Variants in CDC14A observed in about 807,000 individuals in gnomAD.
CDC14A encodes the protein cell division cycle 14A, also known as dual specificity protein phosphatase CDC14A.
Under a neutral mutation model 74.4 loss-of-function variants are expected in CDC14A, and 53 were observed. The ratio of observed to expected loss-of-function variants is 0.71; its 90% CI spans 0.57 to 0.89. The LOEUF is 0.89. CDC14A is among the 40% of genes least tolerant of loss of function. CDC14A has a pLI of 0.00. For synonymous variants in CDC14A, 247 were observed against 258.4 expected (o/e 0.96, Z 0.43); for missense variants, 646 against 713.7 (o/e 0.91, Z 1.08).
intron 4 of CDC14A, among the ~76,000 whole-genome samples, chr1:100,401,368 T>C (rs1160502660): frequency 1.3e-5 from 2 of 152,204 alleles, no homozygotes; most frequent in African/African-American, 4.8e-5. Flanking sequence ...TAAGTCTTGG[T>C]TGACTTCCAC....
In CDC14A at chr1:100,467,847, A is replaced by C. The variant is rs752016605; in HGVS notation, c.839-109A>C. On this transcript the variant is annotated intron_variant, in intron 9 of 15. Coordinates refer to ENST00000336454, the MANE Select transcript of CDC14A (RefSeq NM_003672.4). ...GTTATGTTTATTAGCTGTTGATAAT[A>C]TCATCACACTTGAATGCAGAGCAGT... 3.8e-5 allele frequency: 41 copies of C among 1,066,018 alleles called. No individual in the cohort carries two copies. The Middle Eastern group carries it at 5.6e-3, about 145-fold the overall frequency. The allele number at this position is 1,066,018 out of a possible 1,614,324, so 66.0% of individuals were successfully genotyped here.
rs1212476329 is a variant in CDC14A, at chr1:100,499,123, G to C, written c.1616G>C (p.Ser539Thr). The C allele has an allele frequency of 1.9e-6, 3 of 1,614,156 alleles. No homozygotes were observed. In the Admixed American group the frequency reaches 5.0e-5, roughly 27 times the overall value. The change falls in exon 15 of 16, where the codon AGC (serine) becomes ACC (threonine). Residue 539 changes from serine to threonine, a missense_variant. Physicochemically the swap from Ser to Thr is moderately conservative, Grantham distance 58. Coordinates refer to ENST00000336454, the MANE Select transcript of CDC14A (RefSeq NM_003672.4). ...PELNNNQYNR[S>T]SNSNGGNLNS... ...CTCAACAATAATCAGTACAACAGAA[G>C]CAGCAACAGCAACGGGGGCAACCTG...
intron 15 of CDC14A, among the ~76,000 whole-genome samples, chr1:100,509,400 A>T (rs1458570866): frequency 6.6e-6 from 1 of 152,184 alleles, no homozygotes; most frequent in African/African-American, 2.4e-5. Flanking sequence ...TGAGGTTAGA[A>T]AATGTCTTTT....
At position 100,468,051 on chromosome 1, in the gene CDC14A, C is replaced by A; in HGVS notation, c.934C>A (p.Arg312=). ...AEIIAWIRIC[R]PGSIIGPQQH... ...AATAATTGCTTGGATTAGAATATGC[C>A]GGCCAGGCTCTATTATAGGACCCCA... The change falls in exon 10 of 16, where the codon CGG becomes AGG. Residue 312 remains arginine, a synonymous_variant. Coordinates refer to ENST00000336454, the MANE Select transcript of CDC14A (RefSeq NM_003672.4). The A allele has an allele frequency of 6.2e-7, 1 of 1,613,084 alleles. No individual in the cohort carries two copies. The highest frequency in any genetic ancestry group is 8.5e-7 in the Non-Finnish European group (1 of 1,179,654).
At chr1:100,452,711 G>T (rs1275601866) in intron 7 of CDC14A, among the ~76,000 whole-genome samples, 1 of 152,124 alleles carries the variant, frequency 6.6e-6, no homozygotes, top group East Asian at 1.9e-4. Context: ...TTACAGTGAA[G>T]AACATCTATA....
At chr1:100,507,149 A>G (rs992111567) in intron 15 of CDC14A, among the ~76,000 whole-genome samples, 2 of 152,208 alleles carry the variant, frequency 1.3e-5, no homozygotes, top group African/African-American at 4.8e-5. Flanking sequence ...ATTGTCCTCC[A>G]CTAGATTAAA....
intron 10 of CDC14A, among the ~76,000 whole-genome samples, chr1:100,481,835 T>G (rs1669507192): frequency 6.6e-6 from 1 of 152,250 alleles, no homozygotes. Flanking sequence ...TTCATAAGAT[T>G]TGATTTTTAA....
In CDC14A at chr1:100,352,691, A is replaced by T. The variant is rs1651230758; in HGVS notation, c.-264A>T. On this transcript the variant is annotated 5_prime_UTR_variant, in exon 1 of 16. Coordinates refer to ENST00000336454, the MANE Select transcript of CDC14A (RefSeq NM_003672.4). ...GCGGCGGCGGAGCAGCAGCTGCAGC[A>T]GCCGAGTCCAAATAGGAGCGGCCAC... 1 of 1,329,230 alleles carries T rather than the reference A, an allele frequency of 7.5e-7. No homozygotes were observed. The highest frequency in any genetic ancestry group is 1.8e-5 in the South Asian group (1 of 57,042). The allele number at this position is 1,329,230 out of a possible 1,614,324, so 82.3% of individuals were successfully genotyped here.
At chr1:100,496,175 C>A in intron 13 of CDC14A, 126 bp downstream of exon 13, 1 of 731,014 alleles carries the variant, frequency 1.4e-6, no homozygotes, top group East Asian at 2.6e-5. Context: ...TGCTTCCTTT[C>A]TCTTCCATAT....
intron 10 of CDC14A, among the ~76,000 whole-genome samples, chr1:100,482,614 A>T (rs1669594657): frequency 6.6e-6 from 1 of 152,070 alleles, no homozygotes; most frequent in Non-Finnish European, 1.5e-5. Context: ...CTCATCCTAA[A>T]CTAGAAATCC....
intron 5 of CDC14A, among the ~76,000 whole-genome samples, chr1:100,425,809 A>AT (rs1557747271): frequency 6.6e-6 from 1 of 152,082 alleles, no homozygotes; most frequent in East Asian, 1.9e-4. Flanking sequence ...ATATAATCCT[A>AT]TTTTTTCAGA....
chr1:100,351,752 A>G, upstream of CDC14A: 2 of 1,550,570 alleles, frequency 1.3e-6, no homozygotes, highest in Non-Finnish European at 1.7e-6. Flanking sequence ...GGCGTGGAGA[A>G]CCAGATGGGA....
intron 6 of CDC14A, among the ~76,000 whole-genome samples, chr1:100,440,910 T>C (rs17122500): frequency 0.14 from 21,586 of 152,164 alleles, 4,544 homozygotes; most frequent in African/African-American, 0.46. Flanking sequence ...TTTTTCTTTC[T>C]ACTTAAACAA....
intron 6 of CDC14A, among the ~76,000 whole-genome samples, chr1:100,440,220 T>G (rs1297855818): frequency 2.0e-5 from 3 of 152,186 alleles, no homozygotes; most frequent in Admixed American, 6.5e-5. Flanking sequence ...AAACTATTTG[T>G]GTTCCAGGGC....
intron 3 of CDC14A, among the ~76,000 whole-genome samples, chr1:100,382,140 TGAAAA>T (rs1656199293): frequency 6.6e-6 from 1 of 151,636 alleles, no homozygotes; most frequent in Non-Finnish European, 1.5e-5. Flanking sequence ...TAAAGTCTTC[TGAAAA>T]AGAAGACTTT....
At chr1:100,491,554 A>C (rs373443875) in intron 11 of CDC14A, among the ~76,000 whole-genome samples, 767 of 39,878 alleles carry the variant, frequency 0.019, 13 homozygotes, top group East Asian at 0.06. Flanking sequence ...CTCTCTATAT[A>C]TATATATATA....
chr1:100,487,365 G>A (rs1274040739), intron 11 of CDC14A, among the ~76,000 whole-genome samples: 2 of 151,898 alleles, frequency 1.3e-5, no homozygotes, highest in Non-Finnish European at 2.9e-5. Flanking sequence ...TTGAGACCAG[G>A]CTGGCCAGCA....
intron 10 of CDC14A, among the ~76,000 whole-genome samples, chr1:100,479,533 G>A (rs1200113282): frequency 6.6e-6 from 1 of 152,108 alleles, no homozygotes; most frequent in Non-Finnish European, 1.5e-5. Context: ...CATGCAGTAG[G>A]TCAAGGAATA....
At chr1:100,439,835 C>G in intron 5 of CDC14A, 97 bp from the exon 6 acceptor site, 1 of 807,772 alleles carries the variant, frequency 1.2e-6, no homozygotes, top group South Asian at 1.5e-5. Flanking sequence ...AGCTGTGAAG[C>G]CAAACAAGCA....
Sources: allele counts gnomAD v4.1 joint callset (sites outside exome capture counted in the v4.1 genomes callset), GRCh38; gene constraint gnomAD v4.1.1; transcripts MANE v1.5; gene names NCBI Gene and HGNC (gene_info 2026-07-23, HGNC 2026-07-21).